Variants in ETV7 observed in about 807,000 individuals in gnomAD.
ETV7 encodes the protein ETS variant transcription factor 7.
A neutral mutation model predicts 39.1 loss-of-function variants in ETV7; 43 were observed. The ratio of observed to expected loss-of-function variants is 1.10; its 90% CI spans 0.86 to 1.42. The LOEUF (loss-of-function observed/expected upper bound fraction) is 1.42, where lower values mean the gene tolerates loss of function less well. ETV7 is among the 40% of genes most tolerant of loss of function. The probability of loss-of-function intolerance (pLI) is 0.00; values close to 1 mark genes in which losing one functional copy is unlikely to be tolerated. For synonymous variants in ETV7, 196 were observed against 176.6 expected, an observed-to-expected ratio of 1.11 and a Z score of -0.87; for missense variants, 432 against 442.3, an observed-to-expected ratio of 0.98 and a Z score of 0.21.
At chr6:36,363,296 C>T (rs1041463133), downstream of ETV7, among the ~76,000 whole-genome samples, 4 of 151,946 alleles carry the variant, frequency 2.6e-5, no homozygotes, top group East Asian at 5.8e-4. Flanking sequence ...TTCGTGGTCT[C>T]GCTGGCTCAG....
At chr6:36,380,030 G>T (rs190273326) in intron 2 of ETV7, among the ~76,000 whole-genome samples, 8 of 152,252 alleles carry the variant, frequency 5.3e-5, no homozygotes, top group Middle Eastern at 3.4e-3. Flanking sequence ...GTCCACACAG[G>T]GCTGTCACAA....
Position 36,366,270 on chromosome 6 carries a change from C to G in ETV7, c.*375G>C. 9.4e-7 allele frequency: 1 copy of G among 1,065,608 alleles called. No homozygotes were observed. The highest frequency in any genetic ancestry group is 1.1e-6 in the Non-Finnish European group (1 of 879,392). The allele number at this position is 1,065,608 out of a possible 1,614,324, so 66.0% of individuals were successfully genotyped here. A position where few individuals can be genotyped will look rare whatever the true frequency, so the allele number is the denominator to read the frequency against. On this transcript the variant is annotated 3_prime_UTR_variant, in exon 8 of 8. Transcript: ENST00000340181. ...CACTAACACTTTTTCCCATTTCCTG[C>G]CTCAGCCCATTTCACAGGTGAGGAA...
At position 36,366,777 on chromosome 6, in the gene ETV7, C is replaced by T; in HGVS notation, c.909-15G>A. On this transcript the variant is annotated splice_polypyrimidine_tract_variant and intron_variant, in intron 7 of 7. Coordinates refer to ENST00000340181, the MANE Select transcript of ETV7 (RefSeq NM_016135.4). ...TCTTTAGAAATCTAGAATTCAGGCC[C>T]CAACTGCAAATCAGCTCCTGCCCCA... The T allele has an allele frequency of 6.2e-7, 1 of 1,614,012 alleles. No individual in the cohort carries two copies. The highest frequency in any genetic ancestry group is 1.3e-5 in the African/African-American group (1 of 74,984).
downstream of ETV7, among the ~76,000 whole-genome samples, chr6:36,363,344 C>A (rs552032233): frequency 1.3e-5 from 2 of 151,314 alleles, no homozygotes; most frequent in African/African-American, 4.8e-5. Context: ...GTGTTACAGC[C>A]CTTAAGGCAC....
chr6:36,371,623 C>T (rs1773031171), intron 4 of ETV7, 63 bp from the exon 5 acceptor site: 1 of 1,388,806 alleles, frequency 7.2e-7, no homozygotes, highest in Non-Finnish European at 9.9e-7. Context: ...AACTCAATCC[C>T]TCAATGGTGA....
intron 7 of ETV7, among the ~76,000 whole-genome samples, chr6:36,360,666 C>G (rs1772464177): frequency 6.6e-6 from 1 of 152,202 alleles, no homozygotes; most frequent in Non-Finnish European, 1.5e-5. Context: ...CAAAAAGAGG[C>G]TTTTGCACCA....
chr6:36,365,790 C>T (rs1478599861), downstream of ETV7, among the ~76,000 whole-genome samples: 1 of 152,156 alleles, frequency 6.6e-6, no homozygotes, highest in Non-Finnish European at 1.5e-5. Flanking sequence ...CCTCAGTGTC[C>T]TCATCTTCAC....
At position 36,385,604 on chromosome 6, in the gene ETV7, C is replaced by T. The variant is rs757829105; in HGVS notation, c.72G>A (p.Val24=). 6.2e-7 allele frequency: 1 copy of T among 1,614,228 alleles called. No homozygotes were observed. The highest frequency in any genetic ancestry group is 1.1e-5 in the South Asian group (1 of 91,086). The change falls in exon 2 of 8, where the codon GTG becomes GTA. Residue 24 remains valine (V), a synonymous_variant. Coordinates refer to ENST00000340181, the MANE Select transcript of ETV7 (RefSeq NM_016135.4). The part of the protein sequence containing the change: ...VAAMPPLGTH[V]QARCEAQINL... ...TAATTTGAGCTTCACATCTGGCTTG[C>T]ACGTGGGTGCCTAGGGGAGGCATGG...
intron 4 of ETV7, among the ~76,000 whole-genome samples, chr6:36,373,053 G>C (rs1241564343): frequency 6.6e-6 from 1 of 151,882 alleles, no homozygotes; most frequent in Non-Finnish European, 1.5e-5. Context: ...GGAAGAAAGA[G>C]TTTTGGGGGA....
intron 1 of ETV7, among the ~76,000 whole-genome samples, 156 bp from the exon 2 acceptor site, chr6:36,385,825 A>T (rs1773872435): frequency 6.6e-6 from 1 of 152,234 alleles, no homozygotes; most frequent in Non-Finnish European, 1.5e-5. Context: ...TATATCTTCA[A>T]CTCAGTACCA....
chr6:36,362,333 G>A (rs1772519688), downstream of ETV7, among the ~76,000 whole-genome samples: 1 of 151,876 alleles, frequency 6.6e-6, no homozygotes. Flanking sequence ...TGTGGTGGCG[G>A]GTGCCTGTAG....
Position 36,385,602 on chromosome 6 carries a change from T to C in ETV7, c.74A>G (p.Gln25Arg), listed in dbSNP as rs370294288. The C allele has an allele frequency of 4.3e-6, 7 of 1,614,130 alleles. No individual in the cohort carries two copies. The African/African-American group carries it at 9.3e-5, about 22-fold the overall frequency. ...AAMPPLGTHV[Q>R]ARCEAQINLL... ...GTTAATTTGAGCTTCACATCTGGCTTGCACGTGGGTGCCTAGGGGAGGCAT... is the reference window on the plus strand; with the variant it reads ...GTTAATTTGAGCTTCACATCTGGCTCGCACGTGGGTGCCTAGGGGAGGCAT... Residue 25 changes from glutamine to arginine, a missense_variant, in exon 2 of 8, where the codon CAA becomes CGA. Gln to Arg is a conservative substitution (Grantham distance 43). Coordinates refer to ENST00000340181, the MANE Select transcript of ETV7 (RefSeq NM_016135.4).
intron 2 of ETV7, among the ~76,000 whole-genome samples, chr6:36,381,058 T>C (rs1373464433): frequency 6.6e-6 from 1 of 152,094 alleles, no homozygotes; most frequent in African/African-American, 2.4e-5. Context: ...ACCACACCCC[T>C]GCAGTTTACT....
Position 36,387,569 on chromosome 6 carries a change from C to A in ETV7, c.-28G>T, listed in dbSNP as rs746518429. The stretch of plus-strand genomic sequence containing the variant: ...CAGGTGGAGGTGAGGAAGCCACCGG[C>A]TTTCTGTCTTGAGCGCTCCCCTGGC... On this transcript the variant is annotated 5_prime_UTR_variant, in exon 1 of 8. Coordinates refer to ENST00000340181, the MANE Select transcript of ETV7 (RefSeq NM_016135.4). 3 of 1,613,806 alleles carry A rather than the reference C, an allele frequency of 1.9e-6. No individual in the cohort carries two copies. The highest frequency in any genetic ancestry group is 1.1e-5 in the South Asian group (1 of 91,056).
chr6:36,361,737 ATTT>A (rs988803568), downstream of ETV7, among the ~76,000 whole-genome samples: 27 of 152,220 alleles, frequency 1.8e-4, no homozygotes, highest in Admixed American at 1.7e-3. Flanking sequence ...GACTTGTATT[ATTT>A]GTTTCATTAA....
chr6:36,356,869 C>T (rs1772356214), intron 7 of ETV7, among the ~76,000 whole-genome samples: 1 of 152,176 alleles, frequency 6.6e-6, no homozygotes, highest in Admixed American at 6.5e-5. Flanking sequence ...ATGTGTGTAT[C>T]AAGTGGAGAT....
chr6:36,359,404 T>C (rs528194320), intron 7 of ETV7, among the ~76,000 whole-genome samples: 2 of 151,160 alleles, frequency 1.3e-5, no homozygotes, highest in Non-Finnish European at 2.9e-5. Flanking sequence ...TGAGCCAAGA[T>C]TGCACCATTG....
chr6:36,379,758 C>T (rs1773560371), intron 2 of ETV7, among the ~76,000 whole-genome samples: 1 of 151,464 alleles, frequency 6.6e-6, no homozygotes, highest in Non-Finnish European at 1.5e-5. Flanking sequence ...TGCCTGTAAT[C>T]CCAACTACTT....
At chr6:36,371,632 G>C in intron 4 of ETV7, 72 bp from the exon 5 acceptor site, 11 of 1,309,480 alleles carry the variant, frequency 8.4e-6, no homozygotes, top group Non-Finnish European at 1.2e-5. Context: ...CCTCAATGGT[G>C]AGCCTGGGAG....
Sources: gnomAD v4.1 joint callset for allele counts (sites outside exome capture counted in the v4.1 genomes callset) on GRCh38, gnomAD v4.1.1 for gene constraint, MANE v1.5 for transcripts, NCBI Gene and HGNC (gene_info 2026-07-23, HGNC 2026-07-21) for gene names.